TPRG1: variants seen among roughly 807,000 people sequenced by gnomAD.
TPRG1 encodes the protein tumor protein p63 regulated 1, also known as tumor protein p63-regulated gene 1 protein.
In TPRG1, 29 loss-of-function variants were observed where a neutral mutation model predicts 29.3. The ratio of observed to expected loss-of-function variants is 0.99; its 90% confidence interval spans 0.74 to 1.35. TPRG1 has a LOEUF of 1.35. Ranked by LOEUF, TPRG1 falls within the 40% of genes most tolerant of loss-of-function variation. TPRG1 has a pLI of 0.00. For synonymous variants in TPRG1, 130 were observed against 116.8 expected, an observed-to-expected ratio of 1.11 and a Z score of -0.73; for missense variants, 327 against 335.0, an observed-to-expected ratio of 0.98 and a Z score of 0.19.
intron 4 of TPRG1, among the ~76,000 whole-genome samples, chr3:189,278,279 C>T (rs1405028957): frequency 4.6e-5 from 7 of 152,076 alleles, no homozygotes; most frequent in Admixed American, 3.3e-4. Context: ...GTGAATCTTC[C>T]CAAGGTGAGC....
chr3:189,172,022 G>C lies in TPRG1; in HGVS notation c.-119G>C, dbSNP rs187238155. 1.1e-4 allele frequency: 16 copies of C among 152,292 alleles called. No individual in the cohort carries two copies. The highest frequency in any genetic ancestry group is 3.9e-4 in the African/African-American group (16 of 41,542). 9.4% of individuals were successfully genotyped at this position (152,292 alleles called of 1,614,324 possible). On this transcript the variant is annotated 5_prime_UTR_variant, in exon 1 of 6. Coordinates refer to ENST00000345063, the MANE Select transcript of TPRG1 (RefSeq NM_198485.4). ...GAGTGGGGTCACAGCACAGGGCACT[G>C]TCTTGCCTGGCTTTATCTGAGCCAA... is the stretch of plus-strand genomic sequence containing the variant.
intron 1 of TPRG1, among the ~76,000 whole-genome samples, chr3:189,194,148 T>C (rs938438988): frequency 7.2e-5 from 11 of 151,822 alleles, no homozygotes; most frequent in Non-Finnish European, 1.5e-4. Flanking sequence ...ATAGGTGCAA[T>C]GGTATGATCT....
At chr3:189,199,359 C>A (rs1053485547) in intron 1 of TPRG1, among the ~76,000 whole-genome samples, 2 of 152,218 alleles carry the variant, frequency 1.3e-5, no homozygotes, top group African/African-American at 4.8e-5. Context: ...AAAAATTAAT[C>A]AAATCTTGTA....
rs58153323 is a variant in TPRG1 at position 189,225,174 on chromosome 3, G to A, written c.302+9791G>A. Reference sequence around the variant, plus strand: ...TCTCGATCTCCTGACCTCATGATCCGCCCACCTCGGTCTCCCAAAGTGCTG... The same window carrying A: ...TCTCGATCTCCTGACCTCATGATCCACCCACCTCGGTCTCCCAAAGTGCTG... On this transcript the variant is annotated intron_variant, in intron 3 of 5. Transcript: ENST00000345063. Among the ~76,000 whole-genome samples, 76 of 152,092 alleles carry A rather than the reference G, an allele frequency of 5.0e-4. 5 individuals carry two copies. The South Asian group carries it at 0.015, about 30-fold the overall frequency.
intron 3 of TPRG1, among the ~76,000 whole-genome samples, chr3:189,005,445 T>C (rs950455329): frequency 6.6e-6 from 1 of 152,084 alleles, no homozygotes; most frequent in African/African-American, 2.4e-5. Context: ...CAGGAGTATT[T>C]TGAGGTATCT....
chr3:189,313,255 G>A (rs550203082), intron 5 of TPRG1: 1 of 152,030 alleles, frequency 6.6e-6, no homozygotes, highest in South Asian at 2.1e-4. Context: ...TTTATGTTTA[G>A]GACATTTTCC....
intron 1 of TPRG1, among the ~76,000 whole-genome samples, chr3:189,118,267 C>T (rs976249062): frequency 6.6e-6 from 1 of 152,148 alleles, no homozygotes; most frequent in Non-Finnish European, 1.5e-5. Context: ...CCCTAGAGAT[C>T]TGTGGAACTT....
intron 3 of TPRG1, among the ~76,000 whole-genome samples, chr3:189,230,074 C>G (rs1041766332): frequency 7.2e-5 from 11 of 152,132 alleles, no homozygotes; most frequent in African/African-American, 2.7e-4. Flanking sequence ...AGGAGAAAGT[C>G]GGTCAGGGGT....
chr3:189,053,294 T>C (rs1715449983), intron 4 of TPRG1, among the ~76,000 whole-genome samples: 1 of 152,186 alleles, frequency 6.6e-6, no homozygotes, highest in Non-Finnish European at 1.5e-5. Flanking sequence ...TTCATAGAAT[T>C]GAAGATAAAA....
intron 5 of TPRG1, among the ~76,000 whole-genome samples, chr3:189,151,349 G>A (rs146816022): frequency 6.6e-6 from 1 of 152,250 alleles, no homozygotes; most frequent in East Asian, 1.9e-4. Flanking sequence ...TGATATCCCA[G>A]CAACAGTCTT....
chr3:189,017,270 G>A (rs1033507373), intron 3 of TPRG1, among the ~76,000 whole-genome samples: 1 of 150,536 alleles, frequency 6.6e-6, no homozygotes, highest in Admixed American at 6.6e-5. Flanking sequence ...GGGTACATGT[G>A]CACATTGTGC....
chr3:189,207,549 TCCTTATCATCAG>T lies in TPRG1; in HGVS notation c.172_183del (p.His58_Tyr61del). ...TGACCGAATCAACTCTTTACCCCAA[TCCTTATCATCAG>T]CCTTATATCTCACGGAAGTACTTTG... On this transcript the variant is annotated inframe_deletion, in exon 2 of 6. Coordinates refer to ENST00000345063, the MANE Select transcript of TPRG1 (RefSeq NM_198485.4). 1 of 1,614,020 alleles carries T rather than the reference TCCTTATCATCAG, an allele frequency of 6.2e-7. No homozygotes were observed. The highest frequency in any genetic ancestry group is 1.7e-4 in the Middle Eastern group (1 of 6,060).
intron 4 of TPRG1, among the ~76,000 whole-genome samples, chr3:189,271,991 C>T (rs1715219412): frequency 6.6e-6 from 1 of 152,216 alleles, no homozygotes; most frequent in Admixed American, 6.5e-5. Flanking sequence ...TTTGTGCACT[C>T]TGCCTTTCCT....
chr3:189,111,324 G>T (rs111903029), intron 1 of TPRG1, among the ~76,000 whole-genome samples: 4 of 151,902 alleles, frequency 2.6e-5, no homozygotes, highest in Non-Finnish European at 4.4e-5. Flanking sequence ...AATATTTCAG[G>T]CTTTTTGTTG....
chr3:189,071,776 A>T (rs1023422204), intron 4 of TPRG1, among the ~76,000 whole-genome samples: 1 of 152,216 alleles, frequency 6.6e-6, no homozygotes, highest in Non-Finnish European at 1.5e-5. Context: ...GCTTCAAAAG[A>T]TGATGTAGGA....
At chr3:189,153,660 G>A (rs1281170643) in intron 5 of TPRG1, among the ~76,000 whole-genome samples, 1 of 152,142 alleles carries the variant, frequency 6.6e-6, no homozygotes, top group Non-Finnish European at 1.5e-5. Flanking sequence ...CCGGGAGATG[G>A]GTATCCAGCT....
At chr3:189,010,126 C>A (rs1446563155) in intron 3 of TPRG1, among the ~76,000 whole-genome samples, 1 of 152,158 alleles carries the variant, frequency 6.6e-6, no homozygotes, top group East Asian at 1.9e-4. Context: ...ACATGATCTT[C>A]TTCCTTTTTA....
intron 3 of TPRG1, among the ~76,000 whole-genome samples, chr3:189,022,606 C>A (rs58059519): frequency 1.2e-3 from 185 of 152,106 alleles, no homozygotes; most frequent in African/African-American, 3.9e-3. Flanking sequence ...TCTCCAGCTG[C>A]GTGCTGGGAG....
intron 1 of TPRG1, among the ~76,000 whole-genome samples, chr3:189,199,577 C>T (rs984884785): frequency 5.3e-5 from 8 of 152,286 alleles, no homozygotes; most frequent in East Asian, 1.9e-4. Context: ...CGATGGCTTA[C>T]GCCTGTAATC....
Sources: gnomAD v4.1 joint callset for allele counts (sites outside exome capture counted in the v4.1 genomes callset) on GRCh38, gnomAD v4.1.1 for gene constraint, MANE v1.5 for transcripts, NCBI Gene and HGNC (gene_info 2026-07-23, HGNC 2026-07-21) for gene names.